Variants in COL25A1 observed in about 807,000 individuals in gnomAD.
COL25A1 encodes the protein collagen type XXV alpha 1 chain.
A neutral mutation model predicts 128.4 loss-of-function variants in COL25A1; 103 were observed. That is an observed-to-expected ratio of 0.80 (90% CI 0.68 to 0.94). The LOEUF is 0.94. Ranked by LOEUF, COL25A1 falls within the 40% of genes least tolerant of loss-of-function variation. The pLI, the probability that COL25A1 is intolerant of heterozygous loss-of-function variation, is 0.00. For missense variants in COL25A1, 745 were observed against 840.0 expected, an observed-to-expected ratio of 0.89 and a Z score of 1.40; for synonymous variants, 279 against 277.2, an observed-to-expected ratio of 1.01 and a Z score of -0.06.
intron 3 of COL25A1, among the ~76,000 whole-genome samples, chr4:109,147,328 A>G (rs1290864114): frequency 6.6e-6 from 1 of 152,160 alleles, no homozygotes; most frequent in Non-Finnish European, 1.5e-5. Flanking sequence ...ACCCACCAGC[A>G]CTAAAAAAGG....
chr4:109,066,693 C>T (rs75774271), intron 3 of COL25A1, among the ~76,000 whole-genome samples: 1,622 of 152,262 alleles, frequency 0.011, 39 homozygotes, highest in East Asian at 0.082. Flanking sequence ...CTTGCTCTGT[C>T]TCCAGCACTC....
chr4:108,935,239 T>C (rs565402466), intron 11 of COL25A1, among the ~76,000 whole-genome samples: 1 of 152,310 alleles, frequency 6.6e-6, no homozygotes, highest in African/African-American at 2.4e-5. Flanking sequence ...TACTGTAGGA[T>C]TCGATTACTA....
chr4:109,294,687 G>C (rs1724808281), intron 3 of COL25A1, among the ~76,000 whole-genome samples: 1 of 152,058 alleles, frequency 6.6e-6, no homozygotes, highest in Admixed American at 6.6e-5. Context: ...CACATTCTCA[G>C]CTTCCTTAAA....
chr4:109,267,732 G>T (rs184905959), intron 3 of COL25A1, among the ~76,000 whole-genome samples: 42 of 152,052 alleles, frequency 2.8e-4, no homozygotes, highest in African/African-American at 1.0e-3. Context: ...TTCAGATTTT[G>T]GATTTTCCAG....
intron 19 of COL25A1, among the ~76,000 whole-genome samples, chr4:108,873,190 G>A (rs536659949): frequency 6.6e-6 from 1 of 152,168 alleles, no homozygotes; most frequent in Admixed American, 6.5e-5. Flanking sequence ...ACTCCCCCCA[G>A]GCAGCTTTAA....
chr4:109,211,731 T>C (rs1287269189), intron 3 of COL25A1, among the ~76,000 whole-genome samples: 2 of 152,134 alleles, frequency 1.3e-5, no homozygotes, highest in African/African-American at 2.4e-5. Flanking sequence ...CCCTGCCAAA[T>C]ACGTTTCTAA....
At chr4:109,208,688 T>C (rs994350429) in intron 3 of COL25A1, among the ~76,000 whole-genome samples, 64 of 152,274 alleles carry the variant, frequency 4.2e-4, no homozygotes, top group African/African-American at 1.4e-3. Context: ...TAAATGATTT[T>C]GTTTCCATTT....
intron 19 of COL25A1, among the ~76,000 whole-genome samples, chr4:108,881,302 T>G (rs113631275): frequency 5.3e-5 from 8 of 152,322 alleles, no homozygotes; most frequent in African/African-American, 1.9e-4. Context: ...GTGGAAGGCA[T>G]GTGGATGCTC....
intron 11 of COL25A1, among the ~76,000 whole-genome samples, chr4:108,936,800 A>AATATATATATATAT (rs138668509): frequency 1.2e-3 from 157 of 134,724 alleles, no homozygotes; most frequent in East Asian, 6.3e-3. Context: ...CTGTTTCTTA[A>AATATATATATATAT]ATATATATAT....
chr4:109,284,254 GTC>G (rs1051270448), intron 3 of COL25A1, among the ~76,000 whole-genome samples: 6 of 152,042 alleles, frequency 3.9e-5, no homozygotes, highest in African/African-American at 1.4e-4. Context: ...GCAAAACCCT[GTC>G]TCTACTAAAA....
chr4:108,908,612 C>G (rs1026193953), intron 13 of COL25A1, among the ~76,000 whole-genome samples: 1 of 152,212 alleles, frequency 6.6e-6, no homozygotes, highest in African/African-American at 2.4e-5. Context: ...AAAATTAGAA[C>G]CGCATAACCA....
chr4:109,216,270 A>AAAGGAAGGAAGGAAGGAAGGAAGGACGG (rs1777982705), intron 3 of COL25A1, among the ~76,000 whole-genome samples: 1 of 148,104 alleles, frequency 6.8e-6, no homozygotes, highest in African/African-American at 2.5e-5. Context: ...GGAAGGAAAA[A>AAAGGAAGGAAGGAAGGAAGGAAGGACGG]AAGGAAGGAA....
chr4:108,970,457 T>TTA (rs1428007725), intron 8 of COL25A1, among the ~76,000 whole-genome samples: 2 of 152,190 alleles, frequency 1.3e-5, no homozygotes, highest in Non-Finnish European at 1.5e-5. Flanking sequence ...CAAATACAAA[T>TTA]TATATATATA....
In COL25A1 at chr4:108,940,862, G is replaced by A. The variant is rs549440894; in HGVS notation, c.565-216C>T. 5.3e-5 allele frequency among the ~76,000 whole-genome samples: 8 copies of A among 152,296 alleles called. No homozygotes were observed. The East Asian group carries it at 1.5e-3, about 29-fold the overall frequency. ...CTGAGTAGATGCTATTAAAATCAAA[G>A]CAGTTCAGGAACCAGCACTTCCAGT... is the stretch of plus-strand genomic sequence containing the variant. On this transcript the variant is annotated intron_variant, in intron 9 of 37. Transcript: ENST00000399132.
chr4:109,120,698 A>G (rs930922311), intron 3 of COL25A1, among the ~76,000 whole-genome samples: 1 of 151,932 alleles, frequency 6.6e-6, no homozygotes, highest in Non-Finnish European at 1.5e-5. Flanking sequence ...TGTCTCAGCT[A>G]CTTAAGAGGC....
At chr4:109,014,300 CTG>C (rs1288387080) in intron 5 of COL25A1, among the ~76,000 whole-genome samples, 1 of 117,674 alleles carries the variant, frequency 8.5e-6, no homozygotes, top group Non-Finnish European at 1.6e-5. Context: ...GAGTGACACT[CTG>C]TCTCAAAAAA....
chr4:109,096,141 C>T (rs1765378903), intron 3 of COL25A1, among the ~76,000 whole-genome samples: 1 of 152,182 alleles, frequency 6.6e-6, no homozygotes, highest in African/African-American at 2.4e-5. Flanking sequence ...TTTCTTCATG[C>T]ATAGCAAAAT....
At chr4:108,840,613 G>A (rs1000117963) in intron 31 of COL25A1, among the ~76,000 whole-genome samples, 3 of 152,184 alleles carry the variant, frequency 2.0e-5, no homozygotes, top group African/African-American at 7.2e-5. Context: ...ACAGTGGCCT[G>A]CTTCTGGGCT....
At chr4:108,933,271 C>A (rs529545930) in intron 11 of COL25A1, among the ~76,000 whole-genome samples, 2 of 152,274 alleles carry the variant, frequency 1.3e-5, no homozygotes, top group Admixed American at 6.5e-5. Flanking sequence ...CTCTCTAGTG[C>A]CTCTTAAGGC....
Sources: allele counts gnomAD v4.1 joint callset (sites outside exome capture counted in the v4.1 genomes callset), GRCh38; gene constraint gnomAD v4.1.1; transcripts MANE v1.5; gene names NCBI Gene and HGNC (gene_info 2026-07-23, HGNC 2026-07-21).